HSP90AB1: variants seen among roughly 807,000 people sequenced by gnomAD.
The protein encoded by HSP90AB1 is heat shock protein HSP 90-beta.
Under a neutral mutation model 67.8 loss-of-function variants are expected in HSP90AB1, and 17 were observed. The observed-to-expected ratio is 0.25, with a 90% CI of 0.17 to 0.38. The LOEUF (loss-of-function observed/expected upper bound fraction) is 0.38, where lower values mean the gene tolerates loss of function less well. HSP90AB1 is among the 10% of genes least tolerant of loss of function. The pLI is 1.00. For missense variants in HSP90AB1, 690 were observed against 899.9 expected, an observed-to-expected ratio of 0.77 and a Z score of 2.98; for synonymous variants, 390 against 312.9, an observed-to-expected ratio of 1.25 and a Z score of -2.60.
chr6:44,250,225 C>T, intron 5 of HSP90AB1, 66 bp from the exon 6 acceptor site: 1 of 1,610,486 alleles, frequency 6.2e-7, no homozygotes, highest in Non-Finnish European at 8.5e-7. Context: ...ATCTCATTGT[C>T]CCTGGCTTTT....
intron 10 of HSP90AB1, 25 bp from the exon 11 acceptor site, chr6:44,253,020 C>T: frequency 1.3e-6 from 2 of 1,592,026 alleles, no homozygotes; most frequent in African/African-American, 1.3e-5. Context: ...TAATGTCAAT[C>T]TAAGGCTTTT....
rs766722340 is a variant in HSP90AB1 at position 44,250,047 on chromosome 6, G to C, written c.541G>C (p.Val181Leu). Residue 181 changes from valine to leucine, a missense_variant, in exon 5 of 12, where the codon GTG (valine) becomes CTG (leucine). Coordinates refer to ENST00000371646, the MANE Select transcript of HSP90AB1 (RefSeq NM_007355.4). ...TGAGCCCATTGGCAGGGGTACCAAA[G>C]TGATCCTCCATCTTAAAGAAGATCA... ...HGEPIGRGTK[V>L]ILHLKEDQTE... The C allele has an allele frequency of 4.5e-5, 73 of 1,614,070 alleles. No homozygotes were observed. The highest frequency in any genetic ancestry group is 5.8e-5 in the Non-Finnish European group (69 of 1,180,012).
rs1292167277 is a variant in HSP90AB1, at chr6:44,251,588, G to A, written c.1294G>A (p.Ala432Thr). Residue 432 changes from alanine to threonine, a missense_variant, in exon 8 of 12, where the codon GCA becomes ACA. Transcript: ENST00000371646. ...GGAGAATTACAAGAAATTCTATGAG[G>A]CATTCTCTAAAAATCTCAAGGTAAA... ...DKENYKKFYE[A>T]FSKNLKLGIH... 1 of 1,604,098 alleles carries A rather than the reference G, an allele frequency of 6.2e-7. No individual in the cohort carries two copies. Among genetic ancestry groups the A allele is most frequent in the South Asian group, 1.1e-5 (1 of 90,186 alleles).
Position 44,250,324 on chromosome 6 carries a change from G to C in HSP90AB1, c.682G>C (p.Asp228His). The C allele has an allele frequency of 1.2e-6, 2 of 1,613,970 alleles. No homozygotes were observed. Among genetic ancestry groups the C allele is most frequent in the Non-Finnish European group, 1.7e-6 (2 of 1,179,932 alleles). The change falls in exon 6 of 12, where the codon GAT becomes CAT. Residue 228 changes from aspartate to histidine, a missense_variant. This residue lies in a region of HSP90AB1 where 146 missense variants were observed against 143.7 expected (regional missense o/e 1.02). Coordinates refer to ENST00000371646, the MANE Select transcript of HSP90AB1 (RefSeq NM_007355.4). ...EKEREKEISD[D>H]EAEEEKGEKE... is the part of the protein sequence containing the mutation. ...GGAACGAGAGAAGGAAATTAGTGAT[G>C]ATGAGGCAGAGGAAGAGAAAGGTGA...
At chr6:44,246,782 C>CA (rs1419853567), upstream of HSP90AB1, among the ~76,000 whole-genome samples, 1 of 152,180 alleles carries the variant, frequency 6.6e-6, no homozygotes, top group East Asian at 1.9e-4. Flanking sequence ...GCCTGCCCCA[C>CA]AAGTGTTTAG....
At position 44,253,388 on chromosome 6, in the gene HSP90AB1, T is replaced by A. The variant is rs188896666; in HGVS notation, c.2065+10T>A. 175 of 1,610,140 alleles carry A rather than the reference T, an allele frequency of 1.1e-4. No individual in the cohort carries two copies. In the East Asian group the frequency reaches 3.5e-3, roughly 32 times the overall value. ...ATCAAGCTAGGTCTAGGTAAGTAGC[T>A]TTGGTACTTGGTGTGGCAAGGAGTT... On this transcript the variant is annotated intron_variant, in intron 11 of 11. Coordinates refer to ENST00000371646, the MANE Select transcript of HSP90AB1 (RefSeq NM_007355.4).
chr6:44,249,321 CAG>C, intron 2 of HSP90AB1, 54 bp from the exon 3 acceptor site: 2 of 1,437,620 alleles, frequency 1.4e-6, no homozygotes, highest in South Asian at 1.1e-5. Flanking sequence ...GCTTGGGCAA[CAG>C]AGCAAGAGTC....
In HSP90AB1 at chr6:44,250,135, G is replaced by A. The variant is rs1780457460; in HGVS notation, c.629G>A (p.Gly210Asp). 1.2e-6 allele frequency: 2 copies of A among 1,614,006 alleles called. No homozygotes were observed. The highest frequency in any genetic ancestry group is 2.2e-5 in the South Asian group (2 of 91,084). The stretch of plus-strand genomic sequence containing the variant: ...GTGAAGAAGCATTCTCAGTTCATAG[G>A]CTATCCCATCACCCTTTATGTGAGT... ...EVVKKHSQFI[G>D]YPITLYLEKE... Residue 210 changes from glycine to aspartate, a missense_variant, in exon 5 of 12, where the codon GGC becomes GAC. Around this residue, in one of 7 missense-constraint regions of HSP90AB1, gnomAD observed 146 missense variants for 143.7 expected, o/e 1.02. Coordinates refer to ENST00000371646, the MANE Select transcript of HSP90AB1 (RefSeq NM_007355.4).
Position 44,253,590 on chromosome 6 carries a change from G to A in HSP90AB1, c.2167G>A (p.Val723Ile), listed in dbSNP as rs1340699975. 1 of 1,613,142 alleles carries A rather than the reference G, an allele frequency of 6.2e-7. No individual in the cohort carries two copies. The highest frequency in any genetic ancestry group is 2.2e-5 in the East Asian group (1 of 44,900). Residue 723 changes from valine (V) to isoleucine (I), a missense_variant, in exon 12 of 12, where the codon GTC becomes ATC. Physicochemically the swap from Val to Ile is conservative, Grantham distance 29 (BLOSUM62 3). Around this residue, in one of 7 missense-constraint regions of HSP90AB1, gnomAD observed 120 missense variants for 153.5 expected, o/e 0.78. Transcript: ENST00000371646. ...TGAGGATGCGTCTCGCATGGAAGAA[G>A]TCGATTAGGTTAGGAGTTCATAGTT... ...GDEDASRMEE[V>I]D
rs761179458 is a variant in HSP90AB1, at chr6:44,253,348, C to T, written c.2035C>T (p.Arg679Cys). Residue 679 changes from arginine to cysteine, a missense_variant, in exon 11 of 12, where the codon CGC (arginine) becomes TGC (cysteine). This residue lies in a region of HSP90AB1 where 120 missense variants were observed against 153.5 expected (regional missense o/e 0.78). Transcript: ENST00000371646. ...TGAGGATCCCCAGACCCACTCCAAC[C>T]GCATCTATCGCATGATCAAGCTAGG... Reference protein sequence around the residue: ...SLEDPQTHSNRIYRMIKLGLG... With the variant: ...SLEDPQTHSNCIYRMIKLGLG... 6.8e-6 allele frequency: 11 copies of T among 1,614,052 alleles called. No individual in the cohort carries two copies. The highest frequency in any genetic ancestry group is 2.7e-5 in the African/African-American group (2 of 74,932).
intron 1 of HSP90AB1, 46 bp downstream of exon 1, chr6:44,247,241 T>G (rs1439841083): frequency 1.3e-5 from 2 of 152,300 alleles, no homozygotes; most frequent in African/African-American, 4.8e-5. Context: ...TAGTGCTGTA[T>G]TCGTGTTGTT....
At chr6:44,250,176 T>G (rs1222547000) in intron 5 of HSP90AB1, 22 bp downstream of exon 5, 6 of 1,613,870 alleles carry the variant, frequency 3.7e-6, no homozygotes, top group Non-Finnish European at 5.1e-6. Flanking sequence ...CTTTTAAATC[T>G]TTTACACTTA....
rs754320542 is a variant in HSP90AB1, at chr6:44,253,440, T to C, written c.2066-49T>C. 3 of 1,604,500 alleles carry C rather than the reference T, an allele frequency of 1.9e-6. No homozygotes were observed. In the Admixed American group the frequency reaches 5.0e-5, roughly 27 times the overall value. Reference sequence around the variant, plus strand: ...GTGCAACTCGTCTCCTCTATGGATTTGACTTAATGCTATTTGGTCAAGTCT... The same window carrying C: ...GTGCAACTCGTCTCCTCTATGGATTCGACTTAATGCTATTTGGTCAAGTCT... On this transcript the variant is annotated intron_variant, in intron 11 of 11. Transcript: ENST00000371646.
chr6:44,251,385 T>A, intron 7 of HSP90AB1, 33 bp from the exon 8 acceptor site: 1 of 1,588,296 alleles, frequency 6.3e-7, no homozygotes, highest in African/African-American at 1.4e-5. Context: ...CTAGCTGTTT[T>A]TTACTGAGCT....
chr6:44,253,762 G>GC lies in HSP90AB1; in HGVS notation c.*168dup. On this transcript the variant is annotated 3_prime_UTR_variant, in exon 12 of 12. Transcript: ENST00000371646. ...GAAGGCAGTAAACTAAGGGTGTCAAGCCCCATTCCCTCTCTACTCTTGACA... is the reference window on the plus strand; with the variant it reads ...GAAGGCAGTAAACTAAGGGTGTCAAGCCCCCATTCCCTCTCTACTCTTGACA... 1.3e-6 allele frequency: 1 copy of GC among 779,090 alleles called. No individual in the cohort carries two copies. Among genetic ancestry groups the GC allele is most frequent in the East Asian group, 2.4e-5 (1 of 41,180 alleles). The allele number at this position is 779,090 out of a possible 1,614,324, so 48.3% of individuals were successfully genotyped here.
In HSP90AB1 at chr6:44,250,059, C is replaced by G. The variant is rs1215911834; in HGVS notation, c.553C>G (p.Leu185Val). 6.2e-7 allele frequency: 1 copy of G among 1,613,928 alleles called. No individual in the cohort carries two copies. Among genetic ancestry groups the G allele is most frequent in the Non-Finnish European group, 8.5e-7 (1 of 1,179,898 alleles). ...IGRGTKVILH[L>V]KEDQTEYLEE... is the part of the protein sequence containing the mutation. Reference sequence around the variant, plus strand: ...CAGGGGTACCAAAGTGATCCTCCATCTTAAAGAAGATCAGACAGAGTACCT... The same window carrying G: ...CAGGGGTACCAAAGTGATCCTCCATGTTAAAGAAGATCAGACAGAGTACCT... The change falls in exon 5 of 12, where the codon CTT (leucine) becomes GTT (valine). Residue 185 changes from leucine to valine, a missense_variant. Leu to Val is a conservative substitution (Grantham distance 32). Transcript: ENST00000371646.
At chr6:44,248,877 G>A in intron 2 of HSP90AB1, 101 bp downstream of exon 2, 1 of 1,046,008 alleles carries the variant, frequency 9.6e-7, no homozygotes, top group Non-Finnish European at 1.4e-6. Flanking sequence ...TACTATTGAA[G>A]GGGGTAAACT....
chr6:44,252,255 G>T lies in HSP90AB1; in HGVS notation c.1719G>T (p.Lys573Asn). 6.2e-7 allele frequency: 1 copy of T among 1,613,530 alleles called. No homozygotes were observed. Among genetic ancestry groups the T allele is most frequent in the Non-Finnish European group, 8.5e-7 (1 of 1,179,938 alleles). Residue 573 changes from lysine (K) to asparagine (N), a missense_variant, in exon 10 of 12, where the codon AAG (lysine) becomes AAT (asparagine). Physicochemically the swap from Lys to Asn is moderately conservative, Grantham distance 94. This residue lies in a region of HSP90AB1 where 206 missense variants were observed against 221.4 expected (regional missense o/e 0.93). Coordinates refer to ENST00000371646, the MANE Select transcript of HSP90AB1 (RefSeq NM_007355.4). ...AGCTCATGAAAGAAATCTTAGATAA[G>T]AAGGTTGAGAAGGTAAGCCATTCTG... ...LCKLMKEILD[K>N]KVEKVTISNR...
In HSP90AB1 at chr6:44,251,880, C is replaced by T. The variant is rs573451143; in HGVS notation, c.1458C>T (p.Ile486=). 136 of 1,613,116 alleles carry T rather than the reference C, an allele frequency of 8.4e-5. 1 individual carries two copies. The South Asian group carries it at 1.5e-3, about 17-fold the overall frequency. The change falls in exon 9 of 12, where the codon ATC becomes ATT. Residue 486 remains isoleucine (I), a synonymous_variant. Transcript: ENST00000371646. Reference sequence around the variant, plus strand: ...AGACACAGAAGTCCATCTATTACATCACTGGTGCGTTGACTCTGATTGAAG... The same window carrying T: ...AGACACAGAAGTCCATCTATTACATTACTGGTGCGTTGACTCTGATTGAAG... ...MKETQKSIYY[I]TGESKEQVAN...
Sources: allele counts gnomAD v4.1 joint callset (sites outside exome capture counted in the v4.1 genomes callset), GRCh38; gene constraint gnomAD v4.1.1; regional missense constraint gnomAD v4.1.1; transcripts MANE v1.5; gene names NCBI Gene and HGNC (gene_info 2026-07-23, HGNC 2026-07-21).